Variants in POC1A observed in about 807,000 individuals in gnomAD.
POC1A encodes the protein POC1 centriolar protein A.
POC1A carries 34 observed loss-of-function variants against 47.8 expected under a neutral mutation model. That is an observed-to-expected ratio of 0.71 (90% CI 0.54 to 0.95). POC1A has a LOEUF of 0.95. Ranked by LOEUF, POC1A falls within the 40% of genes least tolerant of loss-of-function variation. POC1A has a pLI of 0.00. For missense variants in POC1A, 466 were observed against 528.3 expected (o/e 0.88, Z 1.16); for synonymous variants, 177 against 207.6 (o/e 0.85, Z 1.27).
intron 7 of POC1A, among the ~76,000 whole-genome samples, chr3:52,131,010 C>A (rs1180103477): frequency 6.6e-6 from 1 of 151,708 alleles, no homozygotes; most frequent in Non-Finnish European, 1.5e-5. Context: ...GCTGCTCACC[C>A]ACACGGGGTC....
intron 1 of POC1A, 46 bp from the exon 2 acceptor site, chr3:52,151,146 G>A: frequency 6.2e-7 from 1 of 1,611,636 alleles, no homozygotes; most frequent in Non-Finnish European, 8.5e-7. Flanking sequence ...GGTGAGGAAG[G>A]GGCTTCCCCA....
At chr3:52,096,171 A>G (rs1270910358) in intron 10 of POC1A, among the ~76,000 whole-genome samples, 1 of 152,290 alleles carries the variant, frequency 6.6e-6, no homozygotes, top group African/African-American at 2.4e-5. Flanking sequence ...GGAAAGGTCC[A>G]GGCTCAAACT....
At chr3:52,108,331 C>T (rs1235702934) in intron 9 of POC1A, among the ~76,000 whole-genome samples, 2 of 152,198 alleles carry the variant, frequency 1.3e-5, no homozygotes, top group Non-Finnish European at 1.5e-5. Context: ...CTTGCAGCTG[C>T]CCCACAGATG....
chr3:52,148,138 C>T (rs775152840), intron 4 of POC1A, among the ~76,000 whole-genome samples: 1 of 152,192 alleles, frequency 6.6e-6, no homozygotes, highest in Non-Finnish European at 1.5e-5. Context: ...ACTCTGGGAC[C>T]AGGTCCTCCG....
In POC1A at chr3:52,095,057, T is replaced by C. The variant is rs1455384006; in HGVS notation, c.1125+1512A>G. On this transcript the variant is annotated intron_variant, in intron 10 of 10. Transcript: ENST00000296484. ...TCCAATGAAGCTATTTTTAACCACC[T>C]TCTCAGACTTAATTTCCAATTTTAT... 3.3e-5 allele frequency among the ~76,000 whole-genome samples: 5 copies of C among 152,372 alleles called. No individual in the cohort carries two copies. The East Asian group carries it at 9.6e-4, about 29-fold the overall frequency.
chr3:52,125,256 G>T, intron 7 of POC1A, 75 bp from the exon 8 acceptor site: 2 of 1,203,750 alleles, frequency 1.7e-6, no homozygotes, highest in Non-Finnish European at 2.4e-6. Flanking sequence ...AAAACGAGAC[G>T]TTCTTGAATG....
chr3:52,108,158 T>C (rs1362499027), intron 9 of POC1A, among the ~76,000 whole-genome samples: 1 of 152,226 alleles, frequency 6.6e-6, no homozygotes, highest in Non-Finnish European at 1.5e-5. Flanking sequence ...ATGGAAGGGC[T>C]TATTACAGGG....
chr3:52,145,954 T>C lies in POC1A; in HGVS notation c.571A>G (p.Thr191Ala), dbSNP rs148568140. 4.9e-5 allele frequency: 79 copies of C among 1,607,426 alleles called. No homozygotes were observed. In the African/African-American group the frequency reaches 9.3e-4, roughly 19 times the overall value. The change falls in exon 6 of 11, where the codon ACC (threonine) becomes GCC (alanine). Residue 191 changes from threonine (T) to alanine (A), a missense_variant. By Grantham distance (58) the Thr-to-Ala change is moderately conservative. Transcript: ENST00000296484. ...CCACTGGGGTGGAAGTCCACATAGGTGACAAAGCTGGAAAGACAGGGGCCA... is the reference window on the plus strand; with the variant it reads ...CCACTGGGGTGGAAGTCCACATAGGCGACAAAGCTGGAAAGACAGGGGCCA... The part of the protein sequence containing the change: ...HSYCEHGGFV[T>A]YVDFHPSGTC...
At chr3:52,094,663 C>T (rs913392895) in intron 10 of POC1A, among the ~76,000 whole-genome samples, 8 of 152,360 alleles carry the variant, frequency 5.3e-5, no homozygotes, top group Middle Eastern at 3.4e-3. Flanking sequence ...TTCCTCGGGA[C>T]GCATTGAGTC....
At chr3:52,081,642 G>A (rs1460448261) in intron 10 of POC1A, among the ~76,000 whole-genome samples, 1 of 152,192 alleles carries the variant, frequency 6.6e-6, no homozygotes, top group Non-Finnish European at 1.5e-5. Flanking sequence ...GGGGCCTCAG[G>A]GGAGGCAGGA....
intron 9 of POC1A, among the ~76,000 whole-genome samples, chr3:52,113,656 C>T (rs545758584): frequency 6.6e-6 from 1 of 152,166 alleles, no homozygotes; most frequent in Non-Finnish European, 1.5e-5. Context: ...GAACTAAGAT[C>T]GCGCCACTAC....
rs140640213 is a variant in POC1A at position 52,087,628 on chromosome 3, T to C, written c.1125+8941A>G. On this transcript the variant is annotated intron_variant, in intron 10 of 10. Transcript: ENST00000296484. ...GTGGATTAGCCACCAGATTAAGGAA[T>C]CTTGGCTATTTACCTTGCTCATGGC... Among the ~76,000 whole-genome samples, 151 of 152,342 alleles carry C rather than the reference T, an allele frequency of 9.9e-4. No homozygotes were observed. The Middle Eastern group carries it at 0.01, about 10-fold the overall frequency.
Position 52,138,337 on chromosome 3 carries a change from A to G in POC1A, c.680-35T>C, listed in dbSNP as rs770411366. On this transcript the variant is annotated intron_variant, in intron 6 of 10. Coordinates refer to ENST00000296484, the MANE Select transcript of POC1A (RefSeq NM_015426.5). ...GGACATCAGTCAGGTGCTGGCTAGG[A>G]GGCACAGGGAGCACAGCTGAAGCCC... 14 of 1,589,292 alleles carry G rather than the reference A, an allele frequency of 8.8e-6. No individual in the cohort carries two copies. In the East Asian group the frequency reaches 2.1e-4, roughly 24 times the overall value.
chr3:52,134,600 CCA>C (rs1183082992), intron 7 of POC1A, among the ~76,000 whole-genome samples: 3 of 152,144 alleles, frequency 2.0e-5, no homozygotes, highest in Admixed American at 2.0e-4. Context: ...CCACTGCACT[CCA>C]GCCTGGGCGA....
At chr3:52,093,441 T>C (rs1171486288) in intron 10 of POC1A, among the ~76,000 whole-genome samples, 1 of 152,120 alleles carries the variant, frequency 6.6e-6, no homozygotes, top group African/African-American at 2.4e-5. Flanking sequence ...CTATTTCTGG[T>C]GCTGTCATGC....
At chr3:52,144,256 T>A (rs1014192223) in intron 6 of POC1A, among the ~76,000 whole-genome samples, 2 of 152,026 alleles carry the variant, frequency 1.3e-5, no homozygotes, top group African/African-American at 2.4e-5. Flanking sequence ...ATGTGCCCCA[T>A]CCCCAAGCCC....
At chr3:52,134,371 C>T (rs1332856870) in intron 7 of POC1A, among the ~76,000 whole-genome samples, 1 of 152,188 alleles carries the variant, frequency 6.6e-6, no homozygotes, top group East Asian at 1.9e-4. Context: ...GTGGCTCAGG[C>T]CTCTAATTCC....
At chr3:52,141,922 C>A (rs1698206914) in intron 6 of POC1A, among the ~76,000 whole-genome samples, 1 of 152,206 alleles carries the variant, frequency 6.6e-6, no homozygotes, top group African/African-American at 2.4e-5. Context: ...GGACAGAGAG[C>A]TTGGGACTCT....
chr3:52,083,904 C>G (rs1235485824), intron 10 of POC1A, among the ~76,000 whole-genome samples: 1 of 152,246 alleles, frequency 6.6e-6, no homozygotes, highest in African/African-American at 2.4e-5. Flanking sequence ...GAAGCACACT[C>G]TTGGAACTGT....
Sources: gnomAD v4.1 joint callset for allele counts (sites outside exome capture counted in the v4.1 genomes callset) on GRCh38, gnomAD v4.1.1 for gene constraint, MANE v1.5 for transcripts, NCBI Gene and HGNC (gene_info 2026-07-23, HGNC 2026-07-21) for gene names.